Variants in PTPRD observed in about 807,000 individuals in gnomAD.
PTPRD encodes the protein receptor-type tyrosine-protein phosphatase delta.
A neutral mutation model predicts 214.5 loss-of-function variants in PTPRD; 34 were observed. The observed-to-expected ratio is 0.16, with a 90% CI of 0.12 to 0.21. The LOEUF (loss-of-function observed/expected upper bound fraction) is 0.21. PTPRD is among the 10% of genes least tolerant of loss of function. The pLI is 1.00. For missense variants in PTPRD, 2,545 were observed against 2,398.7 expected (o/e 1.06, Z -1.27); for synonymous variants, 1,128 against 845.7 (o/e 1.33, Z -5.79).
chr9:10,149,812 C>G (rs887527264), intron 3 of PTPRD, among the ~76,000 whole-genome samples: 11 of 151,340 alleles, frequency 7.3e-5, no homozygotes, highest in Admixed American at 6.6e-4. Context: ...CTCCTTGCAA[C>G]CTTTGCCTCC....
At chr9:8,849,206 C>T (rs1270672566) in intron 11 of PTPRD, among the ~76,000 whole-genome samples, 3 of 125,954 alleles carry the variant, frequency 2.4e-5, no homozygotes, top group Non-Finnish European at 3.2e-5. Flanking sequence ...GACGGAGTCT[C>T]GCTTTGTCCC....
intron 11 of PTPRD, among the ~76,000 whole-genome samples, chr9:8,751,192 T>C (rs1027355872): frequency 3.3e-5 from 5 of 152,148 alleles, no homozygotes; most frequent in Non-Finnish European, 7.4e-5. Context: ...AAATGACTTT[T>C]TTTCTCCCAT....
At chr9:8,845,353 A>G (rs2097669720) in intron 11 of PTPRD, among the ~76,000 whole-genome samples, 1 of 152,188 alleles carries the variant, frequency 6.6e-6, no homozygotes, top group African/African-American at 2.4e-5. Context: ...CAAATCGTAC[A>G]TGTCATTTGA....
At position 9,998,125 on chromosome 9, in the gene PTPRD, A is replaced by ATATATAT. The variant is rs1286206158; in HGVS notation, c.-472+35592_-472+35593insATATATA. On this transcript the variant is annotated intron_variant, in intron 4 of 45. Transcript: ENST00000381196. ...GAACTTAAAGTATAATAAAAAAAAA[A>ATATATAT]AAAAATATATATATATATATAAAAG... Among the ~76,000 whole-genome samples, 50 of 48,536 alleles carry ATATATAT rather than the reference A, an allele frequency of 1.0e-3. 2 individuals carry two copies. The highest frequency in any genetic ancestry group is 3.2e-3 in the African/African-American group (34 of 10,594). 31.8% of individuals were successfully genotyped at this position (48,536 alleles called of 152,430 possible).
intron 3 of PTPRD, among the ~76,000 whole-genome samples, chr9:10,337,587 A>G (rs1357051134): frequency 6.6e-6 from 1 of 151,680 alleles, no homozygotes; most frequent in East Asian, 1.9e-4. Context: ...TTCCTTTGCA[A>G]TTTGGGAATT....
chr9:10,542,138 T>G (rs1360770134), intron 2 of PTPRD, among the ~76,000 whole-genome samples: 2 of 152,120 alleles, frequency 1.3e-5, no homozygotes, highest in African/African-American at 4.8e-5. Context: ...TATAATAAAT[T>G]TAATCAAAAT....
At chr9:8,709,703 G>C (rs1488116929) in intron 12 of PTPRD, among the ~76,000 whole-genome samples, 1 of 151,862 alleles carries the variant, frequency 6.6e-6, no homozygotes, top group Non-Finnish European at 1.5e-5. Flanking sequence ...AATGTTGTCT[G>C]TCAATATAAA....
At position 9,177,854 on chromosome 9, in the gene PTPRD, A is replaced by G. The variant is rs142621916; in HGVS notation, c.-143+5450T>C. On this transcript the variant is annotated intron_variant, in intron 10 of 45. Transcript: ENST00000381196. ...AAGACTGAGTTAATTTTAAAAGCTA[A>G]AAGTATAGTGGCCAAATGAAGAGAT... Among the ~76,000 whole-genome samples, 1,124 of 152,274 alleles carry G rather than the reference A, an allele frequency of 7.4e-3. 11 individuals carry two copies. The highest frequency in any genetic ancestry group is 0.025 in the African/African-American group (1,044 of 41,568).
At chr9:10,076,200 C>T (rs2098129642) in intron 3 of PTPRD, among the ~76,000 whole-genome samples, 1 of 152,066 alleles carries the variant, frequency 6.6e-6, no homozygotes, top group Non-Finnish European at 1.5e-5. Flanking sequence ...CACTGCCTGC[C>T]GCCTCTATCT....
chr9:9,794,191 G>A (rs943095118), intron 5 of PTPRD, among the ~76,000 whole-genome samples: 1 of 145,632 alleles, frequency 6.9e-6, no homozygotes, highest in African/African-American at 2.6e-5. Flanking sequence ...ATATACATAT[G>A]TGTGTGTGTG....
intron 7 of PTPRD, among the ~76,000 whole-genome samples, chr9:9,646,258 G>A (rs2096161225): frequency 6.6e-6 from 1 of 151,360 alleles, no homozygotes; most frequent in South Asian, 2.1e-4. Context: ...AGTTTTCTTG[G>A]ATGTTGTTAG....
At chr9:10,452,949 G>A (rs1224666205) in intron 2 of PTPRD, among the ~76,000 whole-genome samples, 1 of 150,434 alleles carries the variant, frequency 6.6e-6, no homozygotes, top group African/African-American at 2.5e-5. Context: ...GGAGTTTTAT[G>A]GTTTCAGACC....
chr9:9,136,839 A>C (rs2099851672), intron 10 of PTPRD, among the ~76,000 whole-genome samples: 1 of 152,194 alleles, frequency 6.6e-6, no homozygotes, highest in Non-Finnish European at 1.5e-5. Flanking sequence ...TGGAAGTAAA[A>C]TAAACCCTAT....
At chr9:9,803,572 T>A (rs2099055019) in intron 5 of PTPRD, 1 of 151,990 alleles carries the variant, frequency 6.6e-6, no homozygotes, top group African/African-American at 2.4e-5. Flanking sequence ...GTTAGTACTG[T>A]TTTAATAAGG....
chr9:10,498,332 A>T (rs1682010727), intron 2 of PTPRD, among the ~76,000 whole-genome samples: 1 of 152,060 alleles, frequency 6.6e-6, no homozygotes, highest in Non-Finnish European at 1.5e-5. Flanking sequence ...CTTAAAAATA[A>T]TCTGAATTTA....
chr9:9,977,648 T>A (rs2095405815), intron 4 of PTPRD, among the ~76,000 whole-genome samples: 2 of 152,142 alleles, frequency 1.3e-5, no homozygotes, highest in Admixed American at 6.6e-5. Flanking sequence ...TGAGTACGAC[T>A]GACGAGGACA....
At chr9:10,611,270 G>A (rs936649994) in intron 2 of PTPRD, among the ~76,000 whole-genome samples, 2 of 152,124 alleles carry the variant, frequency 1.3e-5, no homozygotes, top group African/African-American at 4.8e-5. Context: ...AATCAGGTCT[G>A]TTTTGTCTAA....
chr9:9,981,354 A>ATTCTTTTT lies in PTPRD; in HGVS notation c.-471-42745_-471-42744insAAAAAGAA, dbSNP rs36081416. ...TTAAAACATATACTCACATTAAACA[A>ATTCTTTTT]TTTTTTTTTTTTTTTTTTAAGACAG... On this transcript the variant is annotated intron_variant, in intron 4 of 45. Transcript: ENST00000381196. 8.8e-4 allele frequency among the ~76,000 whole-genome samples: 121 copies of ATTCTTTTT among 138,178 alleles called. 1 individual carries two copies. Among genetic ancestry groups the ATTCTTTTT allele is most frequent in the African/African-American group, 3.1e-3 (116 of 37,208 alleles). 90.7% of individuals were successfully genotyped at this position (138,178 alleles called of 152,430 possible).
chr9:9,004,774 G>A (rs1223975947), intron 11 of PTPRD, among the ~76,000 whole-genome samples: 1 of 152,026 alleles, frequency 6.6e-6, no homozygotes, highest in Non-Finnish European at 1.5e-5. Flanking sequence ...CATGTCTTTT[G>A]GTATAGCAAG....
Sources: allele counts gnomAD v4.1 joint callset (sites outside exome capture counted in the v4.1 genomes callset), GRCh38; gene constraint gnomAD v4.1.1; transcripts MANE v1.5; gene names NCBI Gene and HGNC (gene_info 2026-07-23, HGNC 2026-07-21).